The following MACROD2 variants were observed in gnomAD, a reference collection of about 807,000 sequenced individuals.
MACROD2 encodes the protein ADP-ribose glycohydrolase MACROD2.
A neutral mutation model predicts 70.4 loss-of-function variants in MACROD2; 36 were observed. The observed-to-expected ratio is 0.51, with a 90% confidence interval of 0.39 to 0.68. The LOEUF (loss-of-function observed/expected upper bound fraction) is 0.68, where lower values mean the gene tolerates loss of function less well. Ranked by LOEUF, MACROD2 falls within the 30% of genes least tolerant of loss-of-function variation. The probability of loss-of-function intolerance (pLI) is 0.00; values close to 1 mark genes in which losing one functional copy is unlikely to be tolerated. For synonymous variants in MACROD2, 172 were observed against 178.8 expected (o/e 0.96, Z 0.30); for missense variants, 496 against 538.4 (o/e 0.92, Z 0.78).
At chr20:14,390,987 G>A (rs1041943753) in intron 3 of MACROD2, among the ~76,000 whole-genome samples, 1 of 114,274 alleles carries the variant, frequency 8.8e-6, no homozygotes, top group Non-Finnish European at 2.0e-5. Flanking sequence ...ATGCTGGCAA[G>A]GTTGTGGAGG....
intron 8 of MACROD2, among the ~76,000 whole-genome samples, chr20:15,811,745 G>A (rs1375286707): frequency 3.3e-5 from 5 of 152,154 alleles, no homozygotes; most frequent in South Asian, 2.1e-4. Context: ...AGAATTCAGA[G>A]TAGGGGAGGA....
intron 5 of MACROD2, among the ~76,000 whole-genome samples, chr20:15,160,045 T>C (rs1260612631): frequency 1.3e-5 from 2 of 150,736 alleles, no homozygotes; most frequent in African/African-American, 4.9e-5. Context: ...GTAAGAGTTA[T>C]GTTAGAAATG....
At chr20:15,240,643 G>T (rs1401450332) in intron 6 of MACROD2, among the ~76,000 whole-genome samples, 2 of 152,178 alleles carry the variant, frequency 1.3e-5, no homozygotes, top group African/African-American at 2.4e-5. Flanking sequence ...TGATGGGCAG[G>T]TTCTATGTAT....
At chr20:15,792,978 A>G (rs1012678124) in intron 8 of MACROD2, among the ~76,000 whole-genome samples, 4 of 152,162 alleles carry the variant, frequency 2.6e-5, no homozygotes, top group African/African-American at 9.7e-5. Flanking sequence ...TAATCTTAAA[A>G]CATGAAGCGT....
chr20:14,866,989 C>T (rs890216720), intron 5 of MACROD2, among the ~76,000 whole-genome samples: 7 of 151,996 alleles, frequency 4.6e-5, no homozygotes, highest in African/African-American at 1.7e-4. Context: ...AGTAATTTTC[C>T]CCCCTGCCTG....
chr20:15,711,028 A>C (rs1206404617), intron 8 of MACROD2, among the ~76,000 whole-genome samples: 2 of 152,172 alleles, frequency 1.3e-5, no homozygotes, highest in Non-Finnish European at 2.9e-5. Flanking sequence ...AAAATAATTC[A>C]CTTATATTTT....
At chr20:14,864,652 A>G (rs2073408385) in intron 5 of MACROD2, among the ~76,000 whole-genome samples, 2 of 152,088 alleles carry the variant, frequency 1.3e-5, no homozygotes, top group South Asian at 4.2e-4. Flanking sequence ...AAAGACTTAT[A>G]AACACTTGTA....
At chr20:14,945,086 C>T (rs547117285) in intron 5 of MACROD2, among the ~76,000 whole-genome samples, 2 of 151,888 alleles carry the variant, frequency 1.3e-5, no homozygotes, top group Admixed American at 6.6e-5. Flanking sequence ...CTTTGAAGTC[C>T]TAATGGCTAC....
At chr20:14,226,434 C>G (rs1032156741) in intron 3 of MACROD2, among the ~76,000 whole-genome samples, 4 of 152,202 alleles carry the variant, frequency 2.6e-5, no homozygotes, top group African/African-American at 9.6e-5. Flanking sequence ...TTCAGCCCAC[C>G]GCTGCACTGT....
Position 15,667,606 on chromosome 20 carries a change from C to T in MACROD2, c.645+167759C>T, listed in dbSNP as rs377096676. 2.0e-5 allele frequency among the ~76,000 whole-genome samples: 3 copies of T among 152,098 alleles called. No homozygotes were observed. The South Asian group carries it at 6.2e-4, about 31-fold the overall frequency. ...TCCAAAGAATATAGACATTCTGCTG[C>T]ACAACCATAGTATCATTATTATACC... On this transcript the variant is annotated intron_variant, in intron 8 of 17. Transcript: ENST00000684519.
chr20:15,902,576 C>T (rs1274048645), intron 10 of MACROD2, among the ~76,000 whole-genome samples: 3 of 152,022 alleles, frequency 2.0e-5, no homozygotes, highest in South Asian at 2.1e-4. Context: ...ATATCTCATG[C>T]TAATGTGTGA....
intron 4 of MACROD2, among the ~76,000 whole-genome samples, chr20:14,643,496 A>C (rs1329116008): frequency 1.3e-5 from 2 of 152,190 alleles, no homozygotes; most frequent in Admixed American, 6.5e-5. Flanking sequence ...AGTTTGATTC[A>C]TTTGGTCTAT....
At chr20:15,948,479 G>GT (rs1345803287) in intron 12 of MACROD2, among the ~76,000 whole-genome samples, 1 of 137,388 alleles carries the variant, frequency 7.3e-6, no homozygotes, top group African/African-American at 2.7e-5. Flanking sequence ...TCCCAAATTT[G>GT]TTTTTTACTA....
chr20:14,192,051 C>G (rs1309472577), intron 3 of MACROD2, among the ~76,000 whole-genome samples: 1 of 152,086 alleles, frequency 6.6e-6, no homozygotes, highest in Non-Finnish European at 1.5e-5. Context: ...CAGGTGAGAG[C>G]TACACATCAC....
chr20:14,489,876 TA>T (rs1438840290), intron 3 of MACROD2, among the ~76,000 whole-genome samples: 15 of 129,364 alleles, frequency 1.2e-4, no homozygotes, highest in African/African-American at 3.7e-4. Context: ...TTTTTTTTTT[TA>T]AAAGACAGAG....
intron 8 of MACROD2, among the ~76,000 whole-genome samples, chr20:15,840,584 A>G (rs1187239638): frequency 3.3e-5 from 5 of 152,198 alleles, no homozygotes; most frequent in Non-Finnish European, 5.9e-5. Flanking sequence ...ACTTCCACAG[A>G]GTTGAACCTG....
rs188316608 is a variant in MACROD2, at chr20:14,813,084, T to G, written c.418+128125T>G. Among the ~76,000 whole-genome samples, 17 of 152,188 alleles carry G rather than the reference T, an allele frequency of 1.1e-4. 1 individual carries two copies. The East Asian group carries it at 3.3e-3, about 29-fold the overall frequency. Reference sequence around the variant, plus strand: ...TAATTTTTGTTTTTTTTTACAGAGTTGATATGATTTACTAACAAGTATTAA... The same window carrying G: ...TAATTTTTGTTTTTTTTTACAGAGTGGATATGATTTACTAACAAGTATTAA... On this transcript the variant is annotated intron_variant, in intron 5 of 17. Coordinates refer to ENST00000684519, the MANE Select transcript of MACROD2 (RefSeq NM_001351661.2).
intron 4 of MACROD2, among the ~76,000 whole-genome samples, chr20:14,665,059 T>G (rs570034324): frequency 6.6e-6 from 1 of 152,264 alleles, no homozygotes; most frequent in East Asian, 1.9e-4. Context: ...TGACAAATCC[T>G]CTGACATTAG....
chr20:14,040,730 T>C (rs1420785437), intron 2 of MACROD2, among the ~76,000 whole-genome samples: 1 of 152,210 alleles, frequency 6.6e-6, no homozygotes, highest in Non-Finnish European at 1.5e-5. Context: ...GTGATTGTGC[T>C]ATGACATTAT....
Sources: gnomAD v4.1 joint callset for allele counts (sites outside exome capture counted in the v4.1 genomes callset) on GRCh38, gnomAD v4.1.1 for gene constraint, MANE v1.5 for transcripts, NCBI Gene and HGNC (gene_info 2026-07-23, HGNC 2026-07-21) for gene names.